GNAI1: variants seen among roughly 807,000 people sequenced by gnomAD.
The protein encoded by GNAI1 is guanine nucleotide-binding protein G(i) subunit alpha-1.
In GNAI1, 11 loss-of-function variants were observed where a neutral mutation model predicts 38.9. The ratio of observed to expected loss-of-function variants is 0.28; its 90% confidence interval spans 0.18 to 0.47. GNAI1 has a LOEUF of 0.47. GNAI1 is among the 20% of genes least tolerant of loss of function. GNAI1 has a pLI of 0.99. For missense variants in GNAI1, 317 were observed against 436.9 expected, an observed-to-expected ratio of 0.73 and a Z score of 2.45; for synonymous variants, 166 against 145.1, an observed-to-expected ratio of 1.14 and a Z score of -1.04.
At chr7:80,151,718 T>G (rs572924155) in intron 1 of GNAI1, among the ~76,000 whole-genome samples, 1 of 152,342 alleles carries the variant, frequency 6.6e-6, no homozygotes, top group African/African-American at 2.4e-5. Flanking sequence ...ACTTTCAAAC[T>G]GCCTAAGTGC....
chr7:80,209,319 C>T (rs1413615515), intron 5 of GNAI1, among the ~76,000 whole-genome samples: 1 of 152,048 alleles, frequency 6.6e-6, no homozygotes, highest in Non-Finnish European at 1.5e-5. Context: ...CTAACAAGTC[C>T]GAAGTTTGTA....
At chr7:80,178,058 A>C (rs1186063522) in intron 1 of GNAI1, among the ~76,000 whole-genome samples, 2 of 152,240 alleles carry the variant, frequency 1.3e-5, no homozygotes, top group East Asian at 3.9e-4. Context: ...TCTAACCCTC[A>C]TGAATGACTT....
chr7:80,145,957 C>T (rs887314729), intron 1 of GNAI1, among the ~76,000 whole-genome samples: 1 of 152,188 alleles, frequency 6.6e-6, no homozygotes, highest in East Asian at 1.9e-4. Flanking sequence ...AGTGCTTTGC[C>T]TTCTCTGGTT....
intron 7 of GNAI1, among the ~76,000 whole-genome samples, chr7:80,214,247 G>T (rs1788922658): frequency 6.6e-6 from 1 of 152,092 alleles, no homozygotes; most frequent in Non-Finnish European, 1.5e-5. Context: ...CTTTTTGAAA[G>T]TCAAAGTCCT....
At position 80,152,795 on chromosome 7, in the gene GNAI1, T is replaced by C. The variant is rs934483639; in HGVS notation, c.118+17517T>C. Among the ~76,000 whole-genome samples the C allele has an allele frequency of 4.6e-5, 7 of 151,806 alleles. No individual in the cohort carries two copies. The South Asian group carries it at 6.2e-4, about 14-fold the overall frequency. On this transcript the variant is annotated intron_variant, in intron 1 of 7. Coordinates refer to ENST00000649796, the MANE Select transcript of GNAI1 (RefSeq NM_002069.6). The stretch of plus-strand genomic sequence containing the variant: ...AGCCAGGATGGTCTCGATCTCCTGA[T>C]CTCCTGACCTCCTGATATGCCCGCC...
At chr7:80,195,895 A>G (rs1788561424) in intron 3 of GNAI1, among the ~76,000 whole-genome samples, 1 of 151,914 alleles carries the variant, frequency 6.6e-6, no homozygotes, top group African/African-American at 2.4e-5. Context: ...TTTTGCTCTA[A>G]GAATGCTCCT....
intron 1 of GNAI1, among the ~76,000 whole-genome samples, chr7:80,184,313 GT>G (rs1266476551): frequency 1.3e-5 from 2 of 152,212 alleles, no homozygotes; most frequent in Admixed American, 1.3e-4. Flanking sequence ...TTATTGTGCA[GT>G]TTGGCCTTTT....
chr7:80,155,456 A>G (rs1787802329), intron 1 of GNAI1, among the ~76,000 whole-genome samples: 1 of 152,150 alleles, frequency 6.6e-6, no homozygotes, highest in Admixed American at 6.5e-5. Flanking sequence ...GTTTTCAGTG[A>G]TTTCCGTTAG....
intron 5 of GNAI1, among the ~76,000 whole-genome samples, chr7:80,206,217 T>C (rs1423472410): frequency 1.3e-5 from 2 of 152,072 alleles, no homozygotes; most frequent in East Asian, 3.8e-4. Flanking sequence ...TCATGGCTAC[T>C]TCTCTCCAAA....
intron 5 of GNAI1, among the ~76,000 whole-genome samples, chr7:80,210,577 A>G (rs1338658643): frequency 6.6e-6 from 1 of 152,078 alleles, no homozygotes; most frequent in Non-Finnish European, 1.5e-5. Flanking sequence ...CAAATGGAAT[A>G]TTTACTCTTT....
At chr7:80,148,212 A>G (rs1010739927) in intron 1 of GNAI1, among the ~76,000 whole-genome samples, 1 of 152,196 alleles carries the variant, frequency 6.6e-6, no homozygotes. Flanking sequence ...CACTAAGTAA[A>G]TGGACTCCAC....
At position 80,225,447 on chromosome 7, in the gene GNAI1, G is replaced by A. The variant is rs1232685890; in HGVS notation, c.*7954G>A. ...AAAGATTAGTGGGGTTTTTTTTAAT[G>A]TTGTTATTGTGTTGTGTTTTGTTTT... On this transcript the variant is annotated 3_prime_UTR_variant, in exon 8 of 8. Transcript: ENST00000649796. Among the ~76,000 whole-genome samples the A allele has an allele frequency of 6.6e-6, 1 of 151,826 alleles. No individual in the cohort carries two copies. The highest frequency in any genetic ancestry group is 2.4e-5 in the African/African-American group (1 of 41,328).
chr7:80,147,977 A>T (rs1787657292), intron 1 of GNAI1, among the ~76,000 whole-genome samples: 1 of 152,166 alleles, frequency 6.6e-6, no homozygotes, highest in African/African-American at 2.4e-5. Flanking sequence ...ATAACACATT[A>T]TTGGAACATT....
intron 1 of GNAI1, among the ~76,000 whole-genome samples, chr7:80,144,846 T>A (rs1363086426): frequency 6.6e-6 from 1 of 152,220 alleles, no homozygotes; most frequent in African/African-American, 2.4e-5. Context: ...TTGATCCATG[T>A]ATACTAGCTC....
intron 1 of GNAI1, among the ~76,000 whole-genome samples, chr7:80,139,627 A>T (rs1787487340): frequency 6.6e-6 from 1 of 152,230 alleles, no homozygotes; most frequent in Non-Finnish European, 1.5e-5. Flanking sequence ...TAAAATTATT[A>T]TCTTGCTGGA....
At chr7:80,206,683 G>A (rs1421302217) in intron 5 of GNAI1, among the ~76,000 whole-genome samples, 1 of 151,888 alleles carries the variant, frequency 6.6e-6, no homozygotes, top group Non-Finnish European at 1.5e-5. Flanking sequence ...TTCAGGTAAT[G>A]GCTTACGGTA....
At chr7:80,171,555 G>C (rs1385345959) in intron 1 of GNAI1, among the ~76,000 whole-genome samples, 1 of 152,162 alleles carries the variant, frequency 6.6e-6, no homozygotes, top group East Asian at 1.9e-4. Flanking sequence ...TTTACATCTT[G>C]ATGTAAAATG....
chr7:80,172,824 TA>T (rs371464942), intron 1 of GNAI1, among the ~76,000 whole-genome samples: 3 of 152,002 alleles, frequency 2.0e-5, no homozygotes, highest in Admixed American at 6.6e-5. Context: ...AAATTTTTTT[TA>T]AAAAACTTTC....
chr7:80,169,987 T>A (rs1360978847), intron 1 of GNAI1, among the ~76,000 whole-genome samples: 3 of 152,194 alleles, frequency 2.0e-5, no homozygotes, highest in African/African-American at 7.2e-5. Context: ...CTCTACATTG[T>A]CACATGTATC....
Sources: gnomAD v4.1 joint callset for allele counts (sites outside exome capture counted in the v4.1 genomes callset) on GRCh38, gnomAD v4.1.1 for gene constraint, MANE v1.5 for transcripts, NCBI Gene and HGNC (gene_info 2026-07-23, HGNC 2026-07-21) for gene names.